Variants in RASA3 observed in about 807,000 individuals in gnomAD.
RASA3 encodes RAS p21 protein activator 3.
Under a neutral mutation model 110.0 loss-of-function variants are expected in RASA3, and 73 were observed. The ratio of observed to expected loss-of-function variants is 0.66; its 90% CI spans 0.55 to 0.81. The LOEUF (loss-of-function observed/expected upper bound fraction) is 0.81. RASA3 is among the 30% of genes least tolerant of loss of function. RASA3 has a pLI of 0.00. For synonymous variants in RASA3, 500 were observed against 451.4 expected (o/e 1.11, Z -1.37); for missense variants, 976 against 1,113.2 (o/e 0.88, Z 1.75).
At chr13:114,078,364 C>T (rs770834600) in intron 1 of RASA3, among the ~76,000 whole-genome samples, 1 of 152,208 alleles carries the variant, frequency 6.6e-6, no homozygotes, top group African/African-American at 2.4e-5. Context: ...TATAAAAAGA[C>T]AAAGCTGTCT....
intron 1 of RASA3, among the ~76,000 whole-genome samples, chr13:114,102,160 T>C (rs1220006562): frequency 1.3e-5 from 2 of 152,034 alleles, no homozygotes; most frequent in Non-Finnish European, 2.9e-5. Context: ...AGTGTCTTCT[T>C]CCAGTGCCAG....
chr13:114,080,559 G>A (rs1424358122), intron 1 of RASA3, among the ~76,000 whole-genome samples: 1 of 152,186 alleles, frequency 6.6e-6, no homozygotes, highest in African/African-American at 2.4e-5. Flanking sequence ...CATATTCAAT[G>A]TAATTGAAAC....
intron 20 of RASA3, among the ~76,000 whole-genome samples, chr13:113,997,955 C>T (rs936963189): frequency 2.6e-5 from 4 of 152,196 alleles, no homozygotes; most frequent in Non-Finnish European, 4.4e-5. Flanking sequence ...CCATGGAGGG[C>T]GTCCTGGCCA....
Position 113,994,069 on chromosome 13 carries a change from T to A in RASA3, c.2142-1481A>T, listed in dbSNP as rs547886097. Among the ~76,000 whole-genome samples the A allele has an allele frequency of 3.3e-5, 5 of 152,322 alleles. No individual in the cohort carries two copies. The South Asian group carries it at 1.0e-3, about 32-fold the overall frequency. The stretch of plus-strand genomic sequence containing the variant: ...AAATGCTTATTATAGCTAAAACAAT[T>A]CTTAAATCATAAAATTTCTGAAACG... On this transcript the variant is annotated intron_variant, in intron 21 of 23. Transcript: ENST00000334062.
In RASA3 at chr13:114,112,456, G is replaced by T. The variant is rs1357660379; in HGVS notation, c.55+19979C>A. 6.6e-6 allele frequency among the ~76,000 whole-genome samples: 1 copy of T among 152,194 alleles called. No individual in the cohort carries two copies. On this transcript the variant is annotated intron_variant, in intron 1 of 23. Transcript: ENST00000334062. The surrounding 1 kb of genome is among the most constrained non-coding windows in gnomAD (Gnocchi z 4.8). ...TGCAGGAAGAGAATCACACTCTTTA[G>T]ACCGGGGTCTCAGATTTCAGCCGGA...
chr13:114,040,608 G>A (rs1484938414), intron 4 of RASA3, among the ~76,000 whole-genome samples: 3 of 130,760 alleles, frequency 2.3e-5, no homozygotes, highest in Admixed American at 7.6e-5. Flanking sequence ...CGCTCACTCC[G>A]AGCACAAGCG....
intron 1 of RASA3, among the ~76,000 whole-genome samples, chr13:114,104,443 G>A (rs1008623044): frequency 6.6e-6 from 1 of 152,102 alleles, no homozygotes; most frequent in African/African-American, 2.4e-5. Flanking sequence ...TCAGTCCACA[G>A]CCCATACCCC....
chr13:114,060,082 G>A (rs771322097), intron 2 of RASA3, among the ~76,000 whole-genome samples: 40 of 152,370 alleles, frequency 2.6e-4, no homozygotes, highest in South Asian at 8.3e-4. Flanking sequence ...CATGGACGGC[G>A]CGGAGAGCGC....
chr13:114,046,839 G>A (rs181537054), intron 3 of RASA3, among the ~76,000 whole-genome samples: 42 of 152,312 alleles, frequency 2.8e-4, no homozygotes, highest in African/African-American at 7.7e-4. Flanking sequence ...AGGAAGGGTC[G>A]TCTTTCAGCC....
chr13:114,011,049 C>A lies in RASA3; in HGVS notation c.1590+122G>T. The A allele has an allele frequency of 1.0e-6, 1 of 954,760 alleles. No homozygotes were observed. Among genetic ancestry groups the A allele is most frequent in the Non-Finnish European group, 1.6e-6 (1 of 613,810 alleles). The allele number at this position is 954,760 out of a possible 1,614,324, so 59.1% of individuals were successfully genotyped here. On this transcript the variant is annotated intron_variant, in intron 16 of 23. Coordinates refer to ENST00000334062, the MANE Select transcript of RASA3 (RefSeq NM_007368.4). The surrounding 1 kb of genome is among the most constrained non-coding windows in gnomAD (Gnocchi z 4.8). ...GTTTCAAGAGAGGATGTGGTGCCGG[C>A]TTTGATTCTTGATCTTTATCTTACG... is the stretch of plus-strand genomic sequence containing the variant.
chr13:114,065,689 C>T lies in RASA3; in HGVS notation c.173+8031G>A, dbSNP rs537035906. Among the ~76,000 whole-genome samples, 11 of 152,148 alleles carry T rather than the reference C, an allele frequency of 7.2e-5. No individual in the cohort carries two copies. The highest frequency in any genetic ancestry group is 1.2e-4 in the African/African-American group (5 of 41,498). ...GTCCGCGGTCAGCTCATAGCCCACC[C>T]GCCACCCAGCACTGCAGGGTCACAC... On this transcript the variant is annotated intron_variant, in intron 2 of 23. Coordinates refer to ENST00000334062, the MANE Select transcript of RASA3 (RefSeq NM_007368.4). The surrounding 1 kb of genome is among the most constrained non-coding windows in gnomAD (Gnocchi z 4.1).
At position 114,021,409 on chromosome 13, in the gene RASA3, C is replaced by T. The variant is rs143516417; in HGVS notation, c.780G>A (p.Glu260=). The T allele has an allele frequency of 1.1e-3, 1,806 of 1,613,814 alleles. 11 individuals are homozygous for T. In the East Asian group the frequency reaches 0.014, roughly 13 times the overall value. Reference sequence around the variant, plus strand: ...CAGGTGCAACATCATCTTACCACGCCTCGTAGGAGCTGGACTGCCGCAGGA... The same window carrying T: ...CAGGTGCAACATCATCTTACCACGCTTCGTAGGAGCTGGACTGCCGCAGGA... ...LKVLRQSSSY[E]AWYFLQPRDN... The change falls in exon 9 of 24, where the codon GAG becomes GAA. Residue 260 remains glutamate (E), a synonymous_variant. Coordinates refer to ENST00000334062, the MANE Select transcript of RASA3 (RefSeq NM_007368.4).
At chr13:114,035,402 G>A (rs1208445725) in intron 4 of RASA3, among the ~76,000 whole-genome samples, 3 of 152,230 alleles carry the variant, frequency 2.0e-5, no homozygotes, top group South Asian at 2.1e-4. Context: ...TCCTGACAAC[G>A]TGTGGCTGCA....
intron 2 of RASA3, among the ~76,000 whole-genome samples, chr13:114,066,747 G>A (rs1161360531): frequency 6.6e-6 from 1 of 152,234 alleles, no homozygotes; most frequent in Non-Finnish European, 1.5e-5. Context: ...GACACGGAAG[G>A]ACACACACAT....
chr13:114,002,089 G>A (rs774352051), intron 18 of RASA3, among the ~76,000 whole-genome samples: 14 of 152,256 alleles, frequency 9.2e-5, no homozygotes, highest in Admixed American at 3.9e-4. Context: ...CAGAACCGGC[G>A]GCCGAGCTGG....
chr13:114,092,487 G>C (rs2079899952), intron 1 of RASA3, among the ~76,000 whole-genome samples: 1 of 152,082 alleles, frequency 6.6e-6, no homozygotes, highest in Non-Finnish European at 1.5e-5. Context: ...AGTTCCTCTT[G>C]CTATGGTTTC....
intron 3 of RASA3, 117 bp from the exon 4 acceptor site, chr13:114,041,211 G>A (rs755029186): frequency 6.6e-6 from 6 of 906,710 alleles, no homozygotes; most frequent in South Asian, 1.5e-5. Context: ...AATTCAGAAT[G>A]GGGCACCGGC....
Position 114,018,180 on chromosome 13 carries a change from C to A in RASA3, c.1015G>T (p.Val339Leu). The change falls in exon 11 of 24, where the codon GTG becomes TTG. Residue 339 changes from valine to leucine, a missense_variant. Val to Leu is a conservative substitution (Grantham distance 32). This residue lies in a region of RASA3 where 732 missense variants were observed against 779.7 expected (regional missense o/e 0.94). Transcript: ENST00000334062. ...CTGCCATAGTGTAGGAAGAGCCGCA[C>A]CAGCGGGACGGCCGCCTCCTGCTTC... Reference protein sequence around the residue: ...REKQEAAVPLVRLFLHYGRVV... With the variant: ...REKQEAAVPLLRLFLHYGRVV... 6.4e-7 allele frequency: 1 copy of A among 1,552,036 alleles called. No individual in the cohort carries two copies. The highest frequency in any genetic ancestry group is 8.7e-7 in the Non-Finnish European group (1 of 1,147,892).
intron 2 of RASA3, among the ~76,000 whole-genome samples, chr13:114,060,228 G>A (rs957604701): frequency 6.6e-6 from 1 of 152,198 alleles, no homozygotes; most frequent in East Asian, 1.9e-4. Context: ...CATGCTGGGA[G>A]CCGAGGTCAG....
Sources: gnomAD v4.1 joint callset for allele counts (sites outside exome capture counted in the v4.1 genomes callset) on GRCh38, gnomAD v4.1.1 for gene constraint, gnomAD v4.1.1 regional missense constraint, Gnocchi (gnomAD v3.1) non-coding constraint, MANE v1.5 for transcripts, NCBI Gene and HGNC (gene_info 2026-07-23, HGNC 2026-07-21) for gene names.